Variants in DDX10 observed in about 807,000 individuals in gnomAD.
DDX10 encodes DEAD-box helicase 10.
Under a neutral mutation model 104.3 loss-of-function variants are expected in DDX10, and 74 were observed. The observed-to-expected ratio is 0.71, with a 90% CI of 0.59 to 0.86. The LOEUF (loss-of-function observed/expected upper bound fraction) is 0.86. DDX10 is among the 40% of genes least tolerant of loss of function. DDX10 has a pLI of 0.00. For missense variants in DDX10, 952 were observed against 1,040.0 expected, an observed-to-expected ratio of 0.92 and a Z score of 1.16; for synonymous variants, 351 against 353.4, an observed-to-expected ratio of 0.99 and a Z score of 0.08.
At chr11:108,855,621 A>C (rs978557904) in intron 16 of DDX10, among the ~76,000 whole-genome samples, 17 of 152,044 alleles carry the variant, frequency 1.1e-4, no homozygotes, top group African/African-American at 2.4e-5. Flanking sequence ...CACCACGCCC[A>C]GCTAATTTTT....
chr11:108,806,281 G>A (rs1378503817), intron 13 of DDX10, among the ~76,000 whole-genome samples: 1 of 152,086 alleles, frequency 6.6e-6, no homozygotes, highest in Non-Finnish European at 1.5e-5. Context: ...TCTATTAAGA[G>A]CAATAAAAAC....
intron 11 of DDX10, among the ~76,000 whole-genome samples, chr11:108,716,404 C>T (rs2094291505): frequency 6.6e-6 from 1 of 151,990 alleles, no homozygotes; most frequent in African/African-American, 2.4e-5. Flanking sequence ...GCCAGTCTAG[C>T]TTATTCTTTA....
chr11:108,810,601 G>T (rs1194641751), intron 13 of DDX10, among the ~76,000 whole-genome samples: 2 of 152,136 alleles, frequency 1.3e-5, no homozygotes, highest in Non-Finnish European at 2.9e-5. Flanking sequence ...CTAAAATGAG[G>T]TTGCTGGATT....
intron 17 of DDX10, chr11:108,929,653 A>G (rs1424755080): frequency 6.6e-6 from 1 of 152,198 alleles, no homozygotes; most frequent in Non-Finnish European, 1.5e-5. Context: ...AAATTCTCAT[A>G]AGAACAGAAA....
At chr11:108,672,657 T>A (rs916298700) in intron 1 of DDX10, among the ~76,000 whole-genome samples, 5 of 152,248 alleles carry the variant, frequency 3.3e-5, no homozygotes, top group Admixed American at 3.3e-4. Context: ...TTTAAATAAA[T>A]GAACCATACA....
intron 15 of DDX10, among the ~76,000 whole-genome samples, chr11:108,845,424 C>G (rs749666198): frequency 6.6e-6 from 1 of 151,912 alleles, no homozygotes; most frequent in African/African-American, 2.4e-5. Context: ...ATTCTTAGTT[C>G]TTTTAGTGTA....
chr11:108,722,618 C>T (rs1444950399), intron 12 of DDX10, among the ~76,000 whole-genome samples: 1 of 152,066 alleles, frequency 6.6e-6, no homozygotes, highest in Non-Finnish European at 1.5e-5. Flanking sequence ...TTAATTGGAT[C>T]CTTACAGCAA....
chr11:108,752,604 T>C (rs1220996929), intron 13 of DDX10, among the ~76,000 whole-genome samples: 1 of 152,106 alleles, frequency 6.6e-6, no homozygotes, highest in African/African-American at 2.4e-5. Flanking sequence ...CATGAATCAG[T>C]TGGAACAATT....
In DDX10 at chr11:108,675,085, C is replaced by T. The variant is rs1000709668; in HGVS notation, c.248-511C>T. Among the ~76,000 whole-genome samples the T allele has an allele frequency of 3.0e-5, 4 of 132,616 alleles. No homozygotes were observed. The South Asian group carries it at 7.3e-4, about 24-fold the overall frequency. 87.0% of individuals were successfully genotyped at this position (132,616 alleles called of 152,430 possible). A position where few individuals can be genotyped will look rare whatever the true frequency, so the allele number is the denominator to read the frequency against. ...CCTTTTTAAAGGCTGAGTCATATTC[C>T]ATTTGTGTGTGTGTGTGTGTGTGTG... On this transcript the variant is annotated intron_variant, in intron 2 of 17. Transcript: ENST00000322536.
At chr11:108,802,975 A>G (rs1205271060) in intron 13 of DDX10, among the ~76,000 whole-genome samples, 1 of 152,232 alleles carries the variant, frequency 6.6e-6, no homozygotes, top group South Asian at 2.1e-4. Flanking sequence ...TCTAAATCCA[A>G]TGTAGGAAAA....
chr11:108,677,563 G>A (rs2094227437), intron 4 of DDX10, among the ~76,000 whole-genome samples: 1 of 151,574 alleles, frequency 6.6e-6, no homozygotes, highest in African/African-American at 2.4e-5. Flanking sequence ...CTTTTAATAA[G>A]GTATCTATCT....
chr11:108,783,936 A>G (rs757146136), intron 13 of DDX10, among the ~76,000 whole-genome samples: 4 of 152,144 alleles, frequency 2.6e-5, no homozygotes, highest in African/African-American at 9.7e-5. Flanking sequence ...CTGTTCTTGC[A>G]TAAATTCGCT....
intron 17 of DDX10, among the ~76,000 whole-genome samples, chr11:108,926,571 T>G: frequency 6.6e-6 from 1 of 152,244 alleles, no homozygotes; most frequent in Non-Finnish European, 1.5e-5. Flanking sequence ...TAGATGAAAT[T>G]GTTTTTACAA....
intron 5 of DDX10, 77 bp downstream of exon 5, chr11:108,678,512 A>G: frequency 7.5e-7 from 1 of 1,327,052 alleles, no homozygotes; most frequent in Non-Finnish European, 1.0e-6. Context: ...TTTTTATGAT[A>G]GAAATTTTAT....
At chr11:108,762,189 T>C (rs1445627651) in intron 13 of DDX10, among the ~76,000 whole-genome samples, 1 of 152,202 alleles carries the variant, frequency 6.6e-6, no homozygotes, top group Non-Finnish European at 1.5e-5. Context: ...TGTTATTGAA[T>C]GCAGTGCTCA....
intron 16 of DDX10, among the ~76,000 whole-genome samples, chr11:108,870,079 A>G (rs1428987049): frequency 6.6e-6 from 1 of 152,156 alleles, no homozygotes; most frequent in African/African-American, 2.4e-5. Flanking sequence ...AAATCTGCGT[A>G]AGGGGTATAT....
intron 16 of DDX10, among the ~76,000 whole-genome samples, chr11:108,883,065 TC>T (rs1456817491): frequency 6.6e-6 from 1 of 152,150 alleles, no homozygotes; most frequent in African/African-American, 2.4e-5. Context: ...ACGGGGTTTT[TC>T]CCCCCTCTCT....
At chr11:108,824,034 G>A (rs192915106) in intron 13 of DDX10, among the ~76,000 whole-genome samples, 2 of 152,032 alleles carry the variant, frequency 1.3e-5, no homozygotes, top group African/African-American at 2.4e-5. Flanking sequence ...AAATAGTTTC[G>A]TGATTTCTGT....
At chr11:108,872,734 A>G (rs534350478) in intron 16 of DDX10, among the ~76,000 whole-genome samples, 181 of 152,250 alleles carry the variant, frequency 1.2e-3, no homozygotes, top group Non-Finnish European at 2.2e-3. Flanking sequence ...GAATTTGTGA[A>G]AATATTTGAT....
Sources: gnomAD v4.1 joint callset for allele counts (sites outside exome capture counted in the v4.1 genomes callset) on GRCh38, gnomAD v4.1.1 for gene constraint, MANE v1.5 for transcripts, NCBI Gene and HGNC (gene_info 2026-07-23, HGNC 2026-07-21) for gene names.